The following PSEN2 variants were observed in gnomAD, a reference collection of about 807,000 sequenced individuals.
The protein encoded by PSEN2 is presenilin-2.
Under a neutral mutation model 49.1 loss-of-function variants are expected in PSEN2, and 32 were observed. The observed-to-expected ratio is 0.65, with a 90% confidence interval of 0.49 to 0.88. The LOEUF is 0.88. Ranked by LOEUF, PSEN2 falls within the 40% of genes least tolerant of loss-of-function variation. The pLI is 0.00. For missense variants in PSEN2, 522 were observed against 586.9 expected (o/e 0.89, Z 1.14); for synonymous variants, 255 against 244.0 (o/e 1.05, Z -0.42).
In PSEN2 at chr1:226,896,026, TC is replaced by T. The variant is rs1397723715; in HGVS notation, c.*448del. 1.3e-5 allele frequency: 3 copies of T among 238,798 alleles called. No individual in the cohort carries two copies. The highest frequency in any genetic ancestry group is 6.7e-5 in the African/African-American group (3 of 44,646). The allele number at this position is 238,798 out of a possible 1,614,324, so 14.8% of individuals were successfully genotyped here. On this transcript the variant is annotated 3_prime_UTR_variant, in exon 13 of 13. Coordinates refer to ENST00000366783, the MANE Select transcript of PSEN2 (RefSeq NM_000447.3). Reference sequence around the variant, plus strand: ...ATTGCCTTTAGAAACTGAGTCCTGTTCTTGTTACGGCAGTCACACTGCTGGG... The same window carrying T: ...ATTGCCTTTAGAAACTGAGTCCTGTTTTGTTACGGCAGTCACACTGCTGGG...
chr1:226,893,904 C>A, intron 11 of PSEN2, 103 bp from the exon 12 acceptor site: 2 of 997,530 alleles, frequency 2.0e-6, no homozygotes, highest in Non-Finnish European at 3.2e-6. Context: ...GTGGGGTGGG[C>A]TGGGCTGGGC....
chr1:226,888,102 CT>C lies in PSEN2; in HGVS notation c.511del (p.Trp171GlyfsTer2). 1 of 1,613,644 alleles carries C rather than the reference CT, an allele frequency of 6.2e-7. No homozygotes were observed. On this transcript the variant is annotated frameshift_variant, in exon 7 of 13. Transcript: ENST00000366783. LOFTEE classifies it high-confidence loss of function. ...TTTCTGTTGTCTAGTTCATCCATGG[CT>C]GGTTGATCATGTCTTCACTGATGCT... ...KYRCYKFIHG[W>X]LIMSSLMLLF... is the part of the protein sequence containing the mutation.
intron 3 of PSEN2, among the ~76,000 whole-genome samples, chr1:226,879,585 T>C (rs1660850100): frequency 6.6e-6 from 1 of 152,232 alleles, no homozygotes; most frequent in Non-Finnish European, 1.5e-5. Flanking sequence ...ATAGGTTATG[T>C]TATGTTCCCA....
chr1:226,888,972 C>T lies in PSEN2; in HGVS notation c.710C>T (p.Ala237Val), dbSNP rs200670135. Residue 237 changes from alanine to valine, a missense_variant, in exon 8 of 13, where the codon GCG (alanine) becomes GTG (valine). Coordinates refer to ENST00000366783, the MANE Select transcript of PSEN2 (RefSeq NM_000447.3). ...CAGGCCTACCTCATCATGATCAGTG[C>T]GCTCATGGCCCTAGTGTTCATCAAG... ...LQQAYLIMIS[A>V]LMALVFIKYL... 2.3e-5 allele frequency: 37 copies of T among 1,614,026 alleles called. No homozygotes were observed. Among genetic ancestry groups the T allele is most frequent in the East Asian group, 1.3e-4 (6 of 44,898 alleles).
At chr1:226,891,484 C>A in intron 10 of PSEN2, 123 bp downstream of exon 10, 1 of 888,644 alleles carries the variant, frequency 1.1e-6, no homozygotes, top group Admixed American at 2.2e-5. Context: ...GGGAAAGGTC[C>A]GTTGAAAACC....
At chr1:226,901,609 T>G (rs1662323941), downstream of PSEN2, among the ~76,000 whole-genome samples, 1 of 152,156 alleles carries the variant, frequency 6.6e-6, no homozygotes, top group Non-Finnish European at 1.5e-5. Context: ...TGTGAAGTGG[T>G]GTCTCTTCGT....
At chr1:226,879,483 C>T (rs552254325) in intron 3 of PSEN2, among the ~76,000 whole-genome samples, 2 of 152,336 alleles carry the variant, frequency 1.3e-5, no homozygotes, top group African/African-American at 2.4e-5. Flanking sequence ...TAAGCTCTTA[C>T]TCCTCCATCA....
intron 4 of PSEN2, 51 bp downstream of exon 4, chr1:226,882,099 G>T: frequency 6.2e-7 from 1 of 1,604,784 alleles, no homozygotes; most frequent in Non-Finnish European, 8.5e-7. Flanking sequence ...TGCGGCTACT[G>T]TACCTTACAG....
chr1:226,888,853 G>A lies in PSEN2; in HGVS notation c.591G>A (p.Val197=). The change falls in exon 8 of 13, where the codon GTG becomes GTA. Residue 197 remains valine, a synonymous_variant. Coordinates refer to ENST00000366783, the MANE Select transcript of PSEN2 (RefSeq NM_000447.3). The stretch of plus-strand genomic sequence containing the variant: ...GGGAAGTGCTCAAGACCTACAATGT[G>A]GCCATGGACTACCCCACCCTCTTGC... ...YLGEVLKTYN[V]AMDYPTLLLT... 1.2e-6 allele frequency: 2 copies of A among 1,614,154 alleles called. No individual in the cohort carries two copies. The highest frequency in any genetic ancestry group is 2.2e-5 in the South Asian group (2 of 91,090).
At position 226,889,191 on chromosome 1, in the gene PSEN2, T is replaced by C. The variant is rs988253961; in HGVS notation, c.787+142T>C. ...CTGGGTGGGATCCCTCCTGAGAGAG[T>C]CGCCTTTGTAAAACAGAGGGGGGTC... On this transcript the variant is annotated intron_variant, in intron 8 of 12. Transcript: ENST00000366783. 4 of 747,588 alleles carry C rather than the reference T, an allele frequency of 5.4e-6. No homozygotes were observed. In the Admixed American group the frequency reaches 1.0e-4, roughly 19 times the overall value. 46.3% of individuals were successfully genotyped at this position (747,588 alleles called of 1,614,324 possible). A position where few individuals can be genotyped will look rare whatever the true frequency, so the allele number is the denominator to read the frequency against.
intron 3 of PSEN2, chr1:226,880,583 G>GCCTCTGGACAGCGATCACTCAT: frequency 6.2e-7 from 1 of 1,609,610 alleles, no homozygotes; most frequent in Non-Finnish European, 8.5e-7. Context: ...CGATCACTCA[G>GCCTCTGGACAGCGATCACTCAT]CCTCTGGACA....
chr1:226,902,691 A>T (rs569935936), intron 12 of PSEN2, among the ~76,000 whole-genome samples: 1 of 152,158 alleles, frequency 6.6e-6, no homozygotes, highest in Non-Finnish European at 1.5e-5. Context: ...GAGGCCTGCA[A>T]TGGAATGGGG....
chr1:226,888,406 A>G (rs1661515174), intron 7 of PSEN2, among the ~76,000 whole-genome samples: 1 of 152,180 alleles, frequency 6.6e-6, no homozygotes, highest in South Asian at 2.1e-4. Flanking sequence ...CCCTTCATGG[A>G]GAAGGCTCTC....
chr1:226,887,003 G>C (rs964793855), intron 6 of PSEN2, among the ~76,000 whole-genome samples: 1 of 152,178 alleles, frequency 6.6e-6, no homozygotes, highest in Non-Finnish European at 1.5e-5. Context: ...GAACATTGCC[G>C]CTGGGAGGTT....
At chr1:226,892,811 C>T (rs1279726066) in intron 11 of PSEN2, among the ~76,000 whole-genome samples, 1 of 152,184 alleles carries the variant, frequency 6.6e-6, no homozygotes, top group Non-Finnish European at 1.5e-5. Context: ...GGTCTAGATG[C>T]CACTTGTGCT....
At chr1:226,893,956 T>A (rs1245718538) in intron 11 of PSEN2, 51 bp from the exon 12 acceptor site, 1 of 1,494,672 alleles carries the variant, frequency 6.7e-7, no homozygotes, top group South Asian at 1.1e-5. Context: ...CTCTTCTTTT[T>A]CCATTCTGTG....
intron 5 of PSEN2, chr1:226,884,645 G>GT (rs1271600627): frequency 1.3e-5 from 2 of 151,692 alleles, no homozygotes; most frequent in Non-Finnish European, 2.9e-5. Flanking sequence ...CAGGTGTGGT[G>GT]TCTCATGCCT....
intron 4 of PSEN2, among the ~76,000 whole-genome samples, chr1:226,883,024 G>T (rs1661097154): frequency 6.6e-6 from 1 of 152,162 alleles, no homozygotes; most frequent in Non-Finnish European, 1.5e-5. Context: ...ACCTTGACTT[G>T]CCACAGTTCC....
intron 12 of PSEN2, 69 bp from the exon 13 acceptor site, chr1:226,895,355 A>G (rs1329968892): frequency 3.2e-6 from 5 of 1,576,512 alleles, no homozygotes; most frequent in Non-Finnish European, 8.7e-7. Flanking sequence ...CCCAGGGACT[A>G]GACCATGACT....
Sources: gnomAD v4.1 joint callset for allele counts (sites outside exome capture counted in the v4.1 genomes callset) on GRCh38, gnomAD v4.1.1 for gene constraint, MANE v1.5 for transcripts, NCBI Gene and HGNC (gene_info 2026-07-23, HGNC 2026-07-21) for gene names.